CADM2: variants seen among roughly 807,000 people sequenced by gnomAD.
CADM2 encodes immunoglobulin superfamily member 4D.
CADM2 carries 12 observed loss-of-function variants against 49.8 expected under a neutral mutation model. That is an observed-to-expected ratio of 0.24 (90% CI 0.15 to 0.39). CADM2 has a LOEUF of 0.39. CADM2 is among the 10% of genes least tolerant of loss of function. The probability of loss-of-function intolerance (pLI) is 1.00; values close to 1 mark genes in which losing one functional copy is unlikely to be tolerated. For synonymous variants in CADM2, 214 were observed against 175.4 expected (o/e 1.22, Z -1.74); for missense variants, 378 against 492.3 (o/e 0.77, Z 2.20).
intron 1 of CADM2, among the ~76,000 whole-genome samples, chr3:85,424,511 C>G (rs1246707136): frequency 1.3e-5 from 2 of 152,084 alleles, no homozygotes; most frequent in Non-Finnish European, 1.5e-5. Flanking sequence ...GGCTTTGGCT[C>G]TCCTGTCATG....
chr3:85,099,775 T>C (rs1575861203), intron 1 of CADM2, among the ~76,000 whole-genome samples: 1 of 151,602 alleles, frequency 6.6e-6, no homozygotes, highest in East Asian at 1.9e-4. Context: ...TGGCCTCTTG[T>C]AATTTGTTTG....
chr3:85,193,364 A>G (rs1466197702), intron 1 of CADM2, among the ~76,000 whole-genome samples: 1 of 85,898 alleles, frequency 1.2e-5, no homozygotes, highest in African/African-American at 6.7e-5. Flanking sequence ...TATCTAAAAA[A>G]TCTTAAAAAA....
chr3:85,241,472 A>C (rs962084636), intron 1 of CADM2, among the ~76,000 whole-genome samples: 33 of 151,522 alleles, frequency 2.2e-4, no homozygotes, highest in Non-Finnish European at 4.4e-4. Context: ...TCAGTACTTC[A>C]GAATTATAAA....
At chr3:85,666,836 C>T (rs2065583115) in intron 1 of CADM2, among the ~76,000 whole-genome samples, 1 of 151,876 alleles carries the variant, frequency 6.6e-6, no homozygotes, top group Admixed American at 6.6e-5. Context: ...AGGAGTTTCT[C>T]AAATGCCAGG....
intron 8 of CADM2, among the ~76,000 whole-genome samples, chr3:86,000,731 T>C (rs909247788): frequency 6.6e-6 from 1 of 151,290 alleles, no homozygotes; most frequent in Non-Finnish European, 1.5e-5. Context: ...AGAGCACCAA[T>C]AAGGGTAGAA....
intron 7 of CADM2, among the ~76,000 whole-genome samples, chr3:85,955,322 G>A (rs1723922858): frequency 6.6e-6 from 1 of 151,356 alleles, no homozygotes; most frequent in Non-Finnish European, 1.5e-5. Flanking sequence ...GGATATCACT[G>A]TTTGGAAAAA....
chr3:85,777,616 C>G (rs949522358), intron 2 of CADM2, among the ~76,000 whole-genome samples: 1 of 152,096 alleles, frequency 6.6e-6, no homozygotes, highest in Non-Finnish European at 1.5e-5. Context: ...TCCTATATTC[C>G]TCTACTATTC....
chr3:85,285,845 T>A, intron 1 of CADM2, among the ~76,000 whole-genome samples: 1 of 151,918 alleles, frequency 6.6e-6, no homozygotes, highest in East Asian at 1.9e-4. Flanking sequence ...TAAAGAGAAC[T>A]GTGGAGAACT....
chr3:85,376,674 A>G (rs908881832), intron 1 of CADM2, among the ~76,000 whole-genome samples: 1 of 152,018 alleles, frequency 6.6e-6, no homozygotes, highest in Non-Finnish European at 1.5e-5. Context: ...CTAATGCGAC[A>G]TCCTGATAAT....
At chr3:85,679,328 T>A (rs1433860659) in intron 1 of CADM2, among the ~76,000 whole-genome samples, 1 of 151,984 alleles carries the variant, frequency 6.6e-6, no homozygotes, top group African/African-American at 2.4e-5. Flanking sequence ...ATCACACATT[T>A]GGAGAGTAGG....
At chr3:85,506,838 TTATTAAAA>T (rs2040375847) in intron 1 of CADM2, among the ~76,000 whole-genome samples, 1 of 152,174 alleles carries the variant, frequency 6.6e-6, no homozygotes, top group Non-Finnish European at 1.5e-5. Flanking sequence ...TTCCTCTCTT[TTATTAAAA>T]GTAAAATTAT....
intron 1 of CADM2, among the ~76,000 whole-genome samples, chr3:85,512,353 T>C (rs1308649497): frequency 1.3e-5 from 2 of 152,120 alleles, no homozygotes; most frequent in Non-Finnish European, 2.9e-5. Context: ...GATTTTGTTC[T>C]TTTTTATGGC....
At chr3:85,926,238 G>C (rs1363668162) in intron 6 of CADM2, among the ~76,000 whole-genome samples, 2 of 151,934 alleles carry the variant, frequency 1.3e-5, no homozygotes, top group African/African-American at 4.8e-5. Context: ...GACATTTTGG[G>C]CAAGAGAATT....
At chr3:85,090,011 CCTT>C (rs2037534602) in intron 1 of CADM2, among the ~76,000 whole-genome samples, 1 of 151,786 alleles carries the variant, frequency 6.6e-6, no homozygotes, top group South Asian at 2.1e-4. Flanking sequence ...AACATTTTAA[CCTT>C]CTTTTAGTTA....
intron 2 of CADM2, among the ~76,000 whole-genome samples, chr3:85,740,378 T>A (rs1306394696): frequency 6.6e-6 from 1 of 152,174 alleles, no homozygotes; most frequent in African/African-American, 2.4e-5. Context: ...TTCCTGGCAC[T>A]GTGGAGGTCA....
Position 85,902,194 on chromosome 3 carries a change from G to A in CADM2, c.530-10179G>A, listed in dbSNP as rs542399432. Among the ~76,000 whole-genome samples, 5 of 152,070 alleles carry A rather than the reference G, an allele frequency of 3.3e-5. No individual in the cohort carries two copies. The South Asian group carries it at 8.3e-4, about 25-fold the overall frequency. On this transcript the variant is annotated intron_variant, in intron 5 of 9. Transcript: ENST00000383699. ...ATGGTTTCTGCTTCACGTACCTTAA[G>A]TGCTCTCTTTACATAGATGTATACA...
intron 1 of CADM2, among the ~76,000 whole-genome samples, chr3:85,134,395 G>C (rs990923339): frequency 1.3e-5 from 2 of 152,350 alleles, no homozygotes; most frequent in African/African-American, 2.4e-5. Flanking sequence ...AGCGAGGGCC[G>C]TGGGGACTGC....
intron 1 of CADM2, among the ~76,000 whole-genome samples, chr3:85,363,134 G>A (rs1276199831): frequency 2.0e-5 from 3 of 152,152 alleles, no homozygotes; most frequent in African/African-American, 7.2e-5. Context: ...AGGAAGTAGA[G>A]ATATAAACTT....
At chr3:85,964,938 A>G (rs1725290766) in intron 8 of CADM2, among the ~76,000 whole-genome samples, 1 of 151,722 alleles carries the variant, frequency 6.6e-6, no homozygotes, top group Non-Finnish European at 1.5e-5. Flanking sequence ...GATTATATCC[A>G]TAGTTTTAAT....
Sources: allele counts gnomAD v4.1 joint callset (sites outside exome capture counted in the v4.1 genomes callset), GRCh38; gene constraint gnomAD v4.1.1; transcripts MANE v1.5; gene names NCBI Gene and HGNC (gene_info 2026-07-23, HGNC 2026-07-21).